The following CD5 variants were observed in gnomAD, a reference collection of about 807,000 sequenced individuals.
The protein encoded by CD5 is T-cell surface glycoprotein CD5.
CD5 carries 36 observed loss-of-function variants against 60.3 expected under a neutral mutation model. The ratio of observed to expected loss-of-function variants is 0.60; its 90% CI spans 0.46 to 0.79. CD5 has a LOEUF of 0.79. Among genes scored for constraint, CD5 ranks in the 30% least tolerant of loss-of-function variants. CD5 has a pLI of 0.00. For synonymous variants in CD5, 230 were observed against 257.6 expected, an observed-to-expected ratio of 0.89 and a Z score of 1.03; for missense variants, 540 against 630.6, an observed-to-expected ratio of 0.86 and a Z score of 1.54.
At chr11:61,114,509 C>T (rs576037416) in intron 1 of CD5, among the ~76,000 whole-genome samples, 4 of 152,124 alleles carry the variant, frequency 2.6e-5, no homozygotes, top group Admixed American at 1.3e-4. Flanking sequence ...GGCATAGTGG[C>T]TCATGCCTGT....
intron 2 of CD5, among the ~76,000 whole-genome samples, chr11:61,115,762 G>A (rs1860930576): frequency 6.6e-6 from 1 of 152,242 alleles, no homozygotes; most frequent in Non-Finnish European, 1.5e-5. Flanking sequence ...TACCTGGGGA[G>A]AATTGTGGCT....
chr11:61,099,662 A>T (rs1216879067), upstream of CD5, among the ~76,000 whole-genome samples: 1 of 151,836 alleles, frequency 6.6e-6, no homozygotes, highest in Admixed American at 6.6e-5. Context: ...GATCACAAAC[A>T]CACATCAACA....
the CD5 span, among the ~76,000 whole-genome samples, chr11:61,095,312 C>T: frequency 6.6e-6 from 1 of 152,116 alleles, no homozygotes; most frequent in African/African-American, 2.4e-5. Context: ...TCCAAATGCC[C>T]CTGAGAGAGC....
upstream of CD5, among the ~76,000 whole-genome samples, chr11:61,101,954 T>A (rs983735051): frequency 4.3e-5 from 6 of 140,108 alleles, no homozygotes; most frequent in Non-Finnish European, 7.9e-5. Context: ...ACACACACAC[T>A]GGCACAAGCC....
chr11:61,121,704 T>C lies in CD5; in HGVS notation c.899T>C (p.Leu300Pro). The C allele has an allele frequency of 1.2e-6, 2 of 1,607,482 alleles. No homozygotes were observed. Among genetic ancestry groups the C allele is most frequent in the Non-Finnish European group, 1.7e-6 (2 of 1,175,640 alleles). ...EVRQGAQWAA[L>P]CDSSSARSSL... is the part of the protein sequence containing the mutation. ...CGCCAGGGGGCTCAGTGGGCAGCCC[T>C]GTGTGACAGCTCTTCAGCCAGGAGC... The change falls in exon 6 of 11, where the codon CTG becomes CCG. Residue 300 changes from leucine (L) to proline (P), a missense_variant. Coordinates refer to ENST00000347785, the MANE Select transcript of CD5 (RefSeq NM_014207.4).
intron 1 of CD5, among the ~76,000 whole-genome samples, chr11:61,107,212 G>C (rs1034981342): frequency 2.6e-5 from 4 of 152,160 alleles, no homozygotes; most frequent in Non-Finnish European, 5.9e-5. Context: ...AAAGAAGGGA[G>C]TGAGCCCACC....
upstream of CD5, among the ~76,000 whole-genome samples, chr11:61,101,774 AC>A (rs1860694574): frequency 1.3e-5 from 2 of 151,768 alleles, no homozygotes; most frequent in Non-Finnish European, 1.5e-5. Context: ...CATGGAGTTC[AC>A]ACACACATCA....
At chr11:61,094,936 A>C in the CD5 span, among the ~76,000 whole-genome samples, 1 of 152,254 alleles carries the variant, frequency 6.6e-6, no homozygotes, top group African/African-American at 2.4e-5. Flanking sequence ...GGGCACCCAG[A>C]TCAGTTCTCA....
At chr11:61,116,521 CCA>C (rs1396886605) in intron 2 of CD5, among the ~76,000 whole-genome samples, 30 of 105,816 alleles carry the variant, frequency 2.8e-4, no homozygotes, top group African/African-American at 6.0e-4. Flanking sequence ...ACACACACCA[CCA>C]CACACACACC....
intron 1 of CD5, among the ~76,000 whole-genome samples, chr11:61,109,528 T>A (rs1243629456): frequency 6.6e-6 from 1 of 152,142 alleles, no homozygotes; most frequent in Admixed American, 6.5e-5. Flanking sequence ...CTTTTTTTTT[T>A]TAATTTGGCT....
chr11:61,103,106 G>C (rs548291885), intron 1 of CD5, among the ~76,000 whole-genome samples: 22 of 152,346 alleles, frequency 1.4e-4, no homozygotes, highest in Admixed American at 5.2e-4. Flanking sequence ...CTCTGAGGAC[G>C]ATGTCTGAGC....
chr11:61,108,875 T>C (rs1202846185), intron 1 of CD5, among the ~76,000 whole-genome samples: 1 of 152,232 alleles, frequency 6.6e-6, no homozygotes, highest in African/African-American at 2.4e-5. Flanking sequence ...TGAAAAATCC[T>C]TGTCCTGGGG....
At chr11:61,103,395 G>C (rs950090654) in intron 1 of CD5, among the ~76,000 whole-genome samples, 1 of 152,216 alleles carries the variant, frequency 6.6e-6, no homozygotes, top group Non-Finnish European at 1.5e-5. Context: ...GGGTGACAGA[G>C]GTGCGTGACT....
upstream of CD5, among the ~76,000 whole-genome samples, chr11:61,101,028 ACAC>A (rs1371440335): frequency 8.0e-6 from 1 of 125,434 alleles, no homozygotes; most frequent in African/African-American, 3.0e-5. Context: ...GATCACACAC[ACAC>A]ATCAACATGG....
chr11:61,121,011 A>G (rs982041424), intron 5 of CD5, among the ~76,000 whole-genome samples: 4 of 151,958 alleles, frequency 2.6e-5, no homozygotes, highest in Non-Finnish European at 4.4e-5. Flanking sequence ...TCAGCTACAG[A>G]CTCCCAGGCC....
intron 1 of CD5, among the ~76,000 whole-genome samples, chr11:61,107,649 T>C (rs999713479): frequency 7.2e-5 from 11 of 152,184 alleles, no homozygotes; most frequent in Non-Finnish European, 1.5e-4. Context: ...TTCTGGATTT[T>C]GAATTGCAGA....
At chr11:61,101,342 T>TCACACACATCAACATGGAGATCACA (rs1565181340), upstream of CD5, among the ~76,000 whole-genome samples, 1 of 35,610 alleles carries the variant, frequency 2.8e-5, no homozygotes, top group Non-Finnish European at 5.3e-5. Flanking sequence ...GAGATCACAT[T>TCACACACATCAACATGGAGATCACA]CACACACATC....
the CD5 span, among the ~76,000 whole-genome samples, chr11:61,095,591 C>T: frequency 1.3e-5 from 2 of 152,074 alleles, no homozygotes; most frequent in South Asian, 2.1e-4. Flanking sequence ...TAGAGAAGCA[C>T]GTCCCAGCCA....
At chr11:61,101,669 C>T (rs957696489), upstream of CD5, among the ~76,000 whole-genome samples, 6 of 151,494 alleles carry the variant, frequency 4.0e-5, no homozygotes, top group African/African-American at 1.5e-4. Context: ...ATCACACACA[C>T]ATCAACATGG....
Sources: allele counts gnomAD v4.1 joint callset (sites outside exome capture counted in the v4.1 genomes callset), GRCh38; gene constraint gnomAD v4.1.1; transcripts MANE v1.5; gene names NCBI Gene and HGNC (gene_info 2026-07-23, HGNC 2026-07-21).